COL28A1: variants seen among roughly 807,000 people sequenced by gnomAD.
COL28A1 encodes collagen alpha-1(XXVIII) chain.
A neutral mutation model predicts 150.2 loss-of-function variants in COL28A1; 161 were observed. The ratio of observed to expected loss-of-function variants is 1.07; its 90% CI spans 0.94 to 1.22. The LOEUF is 1.22. COL28A1 is among the 50% of genes most tolerant of loss of function. The probability of loss-of-function intolerance (pLI) is 0.00; values close to 1 mark genes in which losing one functional copy is unlikely to be tolerated. For synonymous variants in COL28A1, 552 were observed against 469.7 expected (o/e 1.18, Z -2.26); for missense variants, 1,617 against 1,388.3 (o/e 1.16, Z -2.62).
intron 25 of COL28A1, among the ~76,000 whole-genome samples, chr7:7,426,270 T>C (rs950884772): frequency 1.3e-5 from 2 of 152,192 alleles, no homozygotes; most frequent in South Asian, 2.1e-4. Context: ...TTCTTTCTGG[T>C]TTTTAAATAA....
intron 22 of COL28A1, 62 bp from the exon 23 acceptor site, chr7:7,436,525 G>C: frequency 1.1e-6 from 1 of 887,526 alleles, no homozygotes. Flanking sequence ...AGCACACATA[G>C]CAAAAAAAAC....
upstream of COL28A1, among the ~76,000 whole-genome samples, chr7:7,536,105 T>C (rs959174142): frequency 5.9e-5 from 9 of 152,176 alleles, no homozygotes; most frequent in Non-Finnish European, 1.2e-4. Flanking sequence ...TCATGCTATG[T>C]CCTTCTCTTT....
chr7:7,405,737 C>A (rs970668356), intron 27 of COL28A1, among the ~76,000 whole-genome samples: 3 of 152,006 alleles, frequency 2.0e-5, no homozygotes, highest in Non-Finnish European at 2.9e-5. Context: ...TCAAGTGTCT[C>A]ATTTATTTCT....
intron 15 of COL28A1, among the ~76,000 whole-genome samples, chr7:7,462,857 A>G (rs1338746069): frequency 1.5e-5 from 2 of 136,960 alleles, no homozygotes; most frequent in Admixed American, 1.4e-4. Context: ...GCAAAACTCC[A>G]TCTCAAAAAA....
At chr7:7,380,635 A>G in intron 30 of COL28A1, 25 bp downstream of exon 30, 1 of 1,607,824 alleles carries the variant, frequency 6.2e-7, no homozygotes, top group Non-Finnish European at 8.5e-7. Flanking sequence ...AAAACCCTCA[A>G]TTACCCTCTA....
At chr7:7,340,661 CCT>C in the COL28A1 span, among the ~76,000 whole-genome samples, 1 of 151,880 alleles carries the variant, frequency 6.6e-6, no homozygotes, top group Non-Finnish European at 1.5e-5. Context: ...TTTTTTTCCC[CCT>C]AAGCAAGATC....
At chr7:7,400,016 G>A (rs1310051637) in intron 27 of COL28A1, among the ~76,000 whole-genome samples, 1 of 152,184 alleles carries the variant, frequency 6.6e-6, no homozygotes, top group Non-Finnish European at 1.5e-5. Flanking sequence ...TTTTCTGAAT[G>A]AAAGGATTCC....
Position 7,517,801 on chromosome 7 carries a change from G to C in COL28A1, c.850C>G (p.Pro284Ala), listed in dbSNP as rs1268546711. The C allele has an allele frequency of 2.5e-6, 4 of 1,613,536 alleles. No individual in the cohort carries two copies. The African/African-American group carries it at 5.3e-5, about 22-fold the overall frequency. Residue 284 changes from proline (P) to alanine (A), a missense_variant, in exon 7 of 35, where the codon CCA becomes GCA. By Grantham distance (27) the Pro-to-Ala change is conservative. Transcript: ENST00000399429. ...AQKGEAGERG[P>A]GGIPGYKGDK... is the part of the protein sequence containing the mutation. ...CATTCCAGTTGTGTACATACCCCTG[G>C]ACCTCTTTCTCCAGCTTCTCCTTTT...
chr7:7,421,881 C>CT (rs1322697884), intron 25 of COL28A1, among the ~76,000 whole-genome samples: 3 of 152,172 alleles, frequency 2.0e-5, no homozygotes, highest in Non-Finnish European at 2.9e-5. Flanking sequence ...CTAATTATCT[C>CT]TTTAACACCT....
intron 21 of COL28A1, 26 bp downstream of exon 21, chr7:7,440,764 C>A: frequency 9.7e-7 from 1 of 1,030,082 alleles, no homozygotes; most frequent in Non-Finnish European, 1.5e-6. Flanking sequence ...CTCCTCAAAG[C>A]GTAAGTCAGA....
chr7:7,538,709 T>C (rs1334562139), upstream of COL28A1, among the ~76,000 whole-genome samples: 1 of 152,120 alleles, frequency 6.6e-6, no homozygotes, highest in Non-Finnish European at 1.5e-5. Flanking sequence ...TTTCAGAGAA[T>C]TGTATCTGCA....
the COL28A1 span, among the ~76,000 whole-genome samples, chr7:7,340,735 G>A: frequency 4.6e-5 from 7 of 151,812 alleles, no homozygotes; most frequent in East Asian, 3.9e-4. Flanking sequence ...GGGTACTTTC[G>A]GGCTCACCTT....
At chr7:7,388,235 TC>T (rs2128292748) in intron 27 of COL28A1, among the ~76,000 whole-genome samples, 1 of 152,010 alleles carries the variant, frequency 6.6e-6, no homozygotes, top group South Asian at 2.1e-4. Context: ...ATTTTTCAAC[TC>T]CCAGTTATGA....
At chr7:7,453,308 C>T in intron 17 of COL28A1, 132 bp downstream of exon 17, 1 of 682,092 alleles carries the variant, frequency 1.5e-6, no homozygotes, top group Non-Finnish European at 2.6e-6. Flanking sequence ...ATATCAGTAA[C>T]ATTTTGCATT....
intron 25 of COL28A1, among the ~76,000 whole-genome samples, chr7:7,428,309 T>C (rs1262620278): frequency 6.6e-6 from 1 of 152,136 alleles, no homozygotes; most frequent in African/African-American, 2.4e-5. Flanking sequence ...GAGCGGGTCA[T>C]AGCTTTTTCT....
At chr7:7,543,091 AT>A in the COL28A1 span, among the ~76,000 whole-genome samples, 2 of 152,360 alleles carry the variant, frequency 1.3e-5, no homozygotes, top group African/African-American at 4.8e-5. Flanking sequence ...TCAAATAATA[AT>A]AAAATACACA....
chr7:7,493,671 C>T (rs1343444077), intron 11 of COL28A1, among the ~76,000 whole-genome samples: 2 of 152,096 alleles, frequency 1.3e-5, no homozygotes, highest in Non-Finnish European at 2.9e-5. Flanking sequence ...TCCCATTTCC[C>T]CTTTTTCTTT....
intron 15 of COL28A1, among the ~76,000 whole-genome samples, chr7:7,465,469 C>T (rs201405102): frequency 0.066 from 8,859 of 134,674 alleles, 310 homozygotes; most frequent in Middle Eastern, 0.15. Context: ...CACGGAATCT[C>T]GCTGATTGCT....
chr7:7,521,073 C>G (rs1001807848), intron 5 of COL28A1, among the ~76,000 whole-genome samples: 1 of 152,178 alleles, frequency 6.6e-6, no homozygotes, highest in Admixed American at 6.5e-5. Flanking sequence ...CTCCCACCCC[C>G]AAATACAAGC....
Sources: gnomAD v4.1 joint callset for allele counts (sites outside exome capture counted in the v4.1 genomes callset) on GRCh38, gnomAD v4.1.1 for gene constraint, MANE v1.5 for transcripts, NCBI Gene and HGNC (gene_info 2026-07-23, HGNC 2026-07-21) for gene names.